FAAH2: variants seen among roughly 807,000 people sequenced by gnomAD.
FAAH2 encodes fatty-acid amide hydrolase 2.
FAAH2 carries 60 observed loss-of-function variants against 36.9 expected under a neutral mutation model. The observed-to-expected ratio is 1.63, with a 90% confidence interval of 1.32 to 2.02. The LOEUF (loss-of-function observed/expected upper bound fraction) is 2.02, where lower values mean the gene tolerates loss of function less well. FAAH2 is among the 30% of genes most tolerant of loss of function. FAAH2 has a pLI of 0.00. For synonymous variants in FAAH2, 214 were observed against 143.8 expected, an observed-to-expected ratio of 1.49 and a Z score of -3.49; for missense variants, 689 against 397.5, an observed-to-expected ratio of 1.73 and a Z score of -6.23.
intron 1 of FAAH2, among the ~76,000 whole-genome samples, chrX:57,292,004 T>C (rs912146278): frequency 9.0e-6 from 1 of 111,361 alleles, no homozygotes; most frequent in Non-Finnish European, 1.9e-5. Context: ...TTACTCTCTA[T>C]TCATTTGAAA....
chrX:57,222,137 G>C, the FAAH2 span, among the ~76,000 whole-genome samples: 1 of 111,316 alleles, frequency 9.0e-6, no homozygotes, highest in African/African-American at 3.3e-5. Context: ...CCCTCCTCCA[G>C]TCCCTCCTGC....
At chrX:57,348,318 G>A (rs190957375) in intron 5 of FAAH2, among the ~76,000 whole-genome samples, 22 of 110,825 alleles carry the variant, frequency 2.0e-4, no homozygotes, top group South Asian at 7.7e-4. Context: ...AGCCCATCAC[G>A]ACCACTGCCA....
the FAAH2 span, among the ~76,000 whole-genome samples, chrX:57,205,185 T>C: frequency 8.9e-6 from 1 of 112,870 alleles, no homozygotes; most frequent in African/African-American, 3.2e-5. Context: ...CTGTAAAAGA[T>C]GAGGAATGTA....
chrX:57,272,957 C>T, the FAAH2 span, among the ~76,000 whole-genome samples: 1 of 112,055 alleles, frequency 8.9e-6, no homozygotes, highest in African/African-American at 3.2e-5. Context: ...AATTAAAAGA[C>T]ACAGACTGGC....
chrX:57,402,146 A>G (rs779303039), intron 7 of FAAH2, among the ~76,000 whole-genome samples: 3 of 111,899 alleles, frequency 2.7e-5, no homozygotes, highest in Non-Finnish European at 3.8e-5. Context: ...GCTCTTGCCC[A>G]GGGCACCCTC....
chrX:57,457,360 A>C (rs1249809700), intron 10 of FAAH2, among the ~76,000 whole-genome samples: 4 of 111,280 alleles, frequency 3.6e-5, no homozygotes, highest in Non-Finnish European at 7.5e-5. Context: ...ATGAGCAAAA[A>C]CTGGAACGGT....
the FAAH2 span, among the ~76,000 whole-genome samples, chrX:57,232,779 CCG>C: frequency 1.8e-5 from 2 of 112,013 alleles, no homozygotes; most frequent in African/African-American, 6.5e-5. Context: ...TGCATGTAGT[CCG>C]TGTTACAGCC....
the FAAH2 span, among the ~76,000 whole-genome samples, chrX:57,181,282 G>A: frequency 9.0e-6 from 1 of 111,702 alleles, no homozygotes; most frequent in South Asian, 3.7e-4. Flanking sequence ...CAAAATAAGA[G>A]AAAAGGAAGT....
At chrX:57,417,505 G>A (rs749504132) in intron 7 of FAAH2, among the ~76,000 whole-genome samples, 1 of 112,231 alleles carries the variant, frequency 8.9e-6, no homozygotes, top group Non-Finnish European at 1.9e-5. Context: ...AGGTCTGCTG[G>A]CATTTGCTGG....
chrX:57,257,217 A>G, the FAAH2 span, among the ~76,000 whole-genome samples: 3 of 112,175 alleles, frequency 2.7e-5, no homozygotes, highest in African/African-American at 9.7e-5. Flanking sequence ...ATTATAAATC[A>G]TTTTATGATA....
At chrX:57,274,293 G>A in the FAAH2 span, among the ~76,000 whole-genome samples, 27 of 111,850 alleles carry the variant, frequency 2.4e-4, no homozygotes, top group African/African-American at 8.4e-4. Flanking sequence ...AAAAAGTCCA[G>A]GACCAGACAG....
rs1369998903 is a variant in FAAH2, at chrX:57,448,684, C to T, written c.1389C>T (p.Val463=). 1 of 1,210,399 alleles carries T rather than the reference C, an allele frequency of 8.3e-7. No homozygotes were observed. Among genetic ancestry groups the T allele is most frequent in the South Asian group, 1.8e-5 (1 of 56,664 alleles). Reference sequence around the variant, plus strand: ...CCACAGTGGCACCTAAGCATCATGTCCCTCTAACACGGCCTTTCAACTTTG... The same window carrying T: ...CCACAGTGGCACCTAAGCATCATGTTCCTCTAACACGGCCTTTCAACTTTG... The part of the protein sequence containing the change: ...SHPTVAPKHH[V]PLTRPFNFAY... The change falls in exon 10 of 11, where the codon GTC becomes GTT. Residue 463 remains valine (V), a synonymous_variant. Coordinates refer to ENST00000374900, the MANE Select transcript of FAAH2 (RefSeq NM_174912.4).
At position 57,341,256 on chromosome X, in the gene FAAH2, T is replaced by G. The variant is rs1425501837; in HGVS notation, c.623-15T>G. The G allele has an allele frequency of 2.5e-6, 3 of 1,189,500 alleles. No individual in the cohort carries two copies. The highest frequency in any genetic ancestry group is 2.3e-6 in the Non-Finnish European group (2 of 885,718). On this transcript the variant is annotated splice_polypyrimidine_tract_variant and intron_variant, in intron 4 of 10. Coordinates refer to ENST00000374900, the MANE Select transcript of FAAH2 (RefSeq NM_174912.4). ...ATTAGATTATTTATTTGCAAGTATTTTGTGTTTCTTGTAGGTGGTGAGGGC... is the reference window on the plus strand; with the variant it reads ...ATTAGATTATTTATTTGCAAGTATTGTGTGTTTCTTGTAGGTGGTGAGGGC...
chrX:57,362,053 G>T (rs983084513), intron 5 of FAAH2, among the ~76,000 whole-genome samples: 2 of 110,854 alleles, frequency 1.8e-5, no homozygotes, highest in Admixed American at 1.9e-4. Flanking sequence ...CCATCTTACC[G>T]ATTTTATGGT....
intron 10 of FAAH2, among the ~76,000 whole-genome samples, chrX:57,469,302 A>G (rs7057967): frequency 0.37 from 41,466 of 110,629 alleles, 6,557 homozygotes; most frequent in Middle Eastern, 0.63. Flanking sequence ...ACACAGACTG[A>G]CAAATTGGAT....
intron 5 of FAAH2, among the ~76,000 whole-genome samples, chrX:57,368,001 C>T (rs1225762628): frequency 9.0e-6 from 1 of 111,701 alleles, no homozygotes; most frequent in Non-Finnish European, 1.9e-5. Flanking sequence ...CCACTTCATG[C>T]CTCCATCCCT....
intron 2 of FAAH2, among the ~76,000 whole-genome samples, chrX:57,296,934 C>G (rs1319412823): frequency 9.1e-6 from 1 of 109,332 alleles, no homozygotes; most frequent in Non-Finnish European, 1.9e-5. Flanking sequence ...AACCAGCATC[C>G]AAGAAATATG....
intron 8 of FAAH2, among the ~76,000 whole-genome samples, chrX:57,432,964 T>C (rs1219801148): frequency 9.3e-6 from 1 of 107,169 alleles, no homozygotes; most frequent in Non-Finnish European, 1.9e-5. Flanking sequence ...CGACCCTCTC[T>C]ACCTTAAAAA....
chrX:57,201,461 A>T, the FAAH2 span, among the ~76,000 whole-genome samples: 1 of 110,121 alleles, frequency 9.1e-6, no homozygotes, highest in South Asian at 3.8e-4. Flanking sequence ...GTCTGCTGCT[A>T]CACACATTAT....
Sources: allele counts gnomAD v4.1 joint callset (sites outside exome capture counted in the v4.1 genomes callset), GRCh38; gene constraint gnomAD v4.1.1; transcripts MANE v1.5; gene names NCBI Gene and HGNC (gene_info 2026-07-23, HGNC 2026-07-21).